Variants in BTN3A2 observed in about 807,000 individuals in gnomAD.
BTN3A2 encodes the protein butyrophilin protein.
Under a neutral mutation model 37.6 loss-of-function variants are expected in BTN3A2, and 25 were observed. That is an observed-to-expected ratio of 0.66 (90% CI 0.48 to 0.93). BTN3A2 has a LOEUF of 0.93. BTN3A2 is among the 40% of genes least tolerant of loss of function. The pLI, the probability that BTN3A2 is intolerant of heterozygous loss-of-function variation, is 0.00. For missense variants in BTN3A2, 266 were observed against 410.9 expected, an observed-to-expected ratio of 0.65 and a Z score of 3.05; for synonymous variants, 122 against 159.4, an observed-to-expected ratio of 0.77 and a Z score of 1.77.
chr6:26,371,915 G>A (rs1478067653), intron 5 of BTN3A2, among the ~76,000 whole-genome samples: 1 of 152,126 alleles, frequency 6.6e-6, no homozygotes. Context: ...CTGACCTCAA[G>A]TGATCCACCC....
intron 9 of BTN3A2, 161 bp downstream of exon 9, chr6:26,374,534 C>A: frequency 2.3e-6 from 2 of 873,540 alleles, no homozygotes; most frequent in Non-Finnish European, 3.6e-6. Flanking sequence ...ACTCCTGATC[C>A]TGCACACCCC....
chr6:26,377,197 C>T lies in BTN3A2; in HGVS notation c.*1435C>T. 1 of 1,163,186 alleles carries T rather than the reference C, an allele frequency of 8.6e-7. No individual in the cohort carries two copies. Among genetic ancestry groups the T allele is most frequent in the Non-Finnish European group, 1.3e-6 (1 of 771,856 alleles). 72.1% of individuals were successfully genotyped at this position (1,163,186 alleles called of 1,614,324 possible). On this transcript the variant is annotated 3_prime_UTR_variant, in exon 11 of 11. Coordinates refer to ENST00000377708, the MANE Select transcript of BTN3A2 (RefSeq NM_007047.5). ...GCTAATGAAAGTGGGGAGCCTCAGG[C>T]TGAAGTAACATCTCTGCTTCTCCCT...
In BTN3A2 at chr6:26,377,003, C is replaced by G; in HGVS notation, c.*1241C>G. ...ACAATGCCACGGATGGATCTCATAT[C>G]TACACATTTCTGCACGCCTCTTCCT... On this transcript the variant is annotated 3_prime_UTR_variant, in exon 11 of 11. Transcript: ENST00000377708. 6.9e-7 allele frequency: 1 copy of G among 1,455,436 alleles called. No individual in the cohort carries two copies. The highest frequency in any genetic ancestry group is 9.6e-7 in the Non-Finnish European group (1 of 1,037,998). 90.2% of individuals were successfully genotyped at this position (1,455,436 alleles called of 1,614,324 possible).
rs1760767936 is a variant in BTN3A2 at position 26,377,252 on chromosome 6, C to T, written c.*1490C>T. 2.4e-6 allele frequency: 2 copies of T among 831,426 alleles called. No individual in the cohort carries two copies. The highest frequency in any genetic ancestry group is 3.8e-5 in the Admixed American group (2 of 53,098). The allele number at this position is 831,426 out of a possible 1,614,324, so 51.5% of individuals were successfully genotyped here. ...AGCCTGGAGCTAAGGGTCTCACCCT[C>T]CACAACAGCCAGTCAGAACCATAAA... is the stretch of plus-strand genomic sequence containing the variant. On this transcript the variant is annotated 3_prime_UTR_variant, in exon 11 of 11. Coordinates refer to ENST00000377708, the MANE Select transcript of BTN3A2 (RefSeq NM_007047.5).
Position 26,374,679 on chromosome 6 carries a change from A to G in BTN3A2, c.*7-92A>G. 3.0e-6 allele frequency: 4 copies of G among 1,348,254 alleles called. No individual in the cohort carries two copies. In the Admixed American group the frequency reaches 7.8e-5, roughly 26 times the overall value. The allele number at this position is 1,348,254 out of a possible 1,614,324, so 83.5% of individuals were successfully genotyped here. A position where few individuals can be genotyped will look rare whatever the true frequency, so the allele number is the denominator to read the frequency against. ...CTGGACCCTGGAAGAGACTCTAAAG[A>G]AAAGGAGAGAAAACATGTAGTGAGA... On this transcript the variant is annotated intron_variant, in intron 9 of 10. Transcript: ENST00000377708.
At chr6:26,366,351 G>A (rs1022888864) in intron 1 of BTN3A2, among the ~76,000 whole-genome samples, 1 of 151,820 alleles carries the variant, frequency 6.6e-6, no homozygotes, top group African/African-American at 2.4e-5. Context: ...GGAATTTTGG[G>A]GGCAAATAAT....
At position 26,378,182 on chromosome 6, in the gene BTN3A2, C is replaced by T. The variant is rs140353954; in HGVS notation, c.*2420C>T. The T allele has an allele frequency of 3.5e-4, 54 of 152,206 alleles. No homozygotes were observed. In the East Asian group the frequency reaches 0.01, roughly 29 times the overall value. 9.4% of individuals were successfully genotyped at this position (152,206 alleles called of 1,614,324 possible). On this transcript the variant is annotated 3_prime_UTR_variant, in exon 11 of 11. Coordinates refer to ENST00000377708, the MANE Select transcript of BTN3A2 (RefSeq NM_007047.5). ...ATTGGTGGATGTTAAACCCATATTC[C>T]TTTCAACTGCTGCCTGCTAGGGAAA...
At position 26,376,461 on chromosome 6, in the gene BTN3A2, G is replaced by T; in HGVS notation, c.*699G>T. 1.1e-6 allele frequency: 1 copy of T among 948,734 alleles called. No homozygotes were observed. The highest frequency in any genetic ancestry group is 1.5e-6 in the Non-Finnish European group (1 of 685,140). 58.8% of individuals were successfully genotyped at this position (948,734 alleles called of 1,614,324 possible). A position where few individuals can be genotyped will look rare whatever the true frequency, so the allele number is the denominator to read the frequency against. On this transcript the variant is annotated 3_prime_UTR_variant, in exon 11 of 11. Coordinates refer to ENST00000377708, the MANE Select transcript of BTN3A2 (RefSeq NM_007047.5). ...AGAATCACATTCAGGGCAGGCTAGGGACACGGGGTTCTGGAAGGACCTCCT... is the reference window on the plus strand; with the variant it reads ...AGAATCACATTCAGGGCAGGCTAGGTACACGGGGTTCTGGAAGGACCTCCT...
In BTN3A2 at chr6:26,373,029, A is replaced by G; in HGVS notation, c.848A>G (p.Glu283Gly). 6.2e-7 allele frequency: 1 copy of G among 1,614,200 alleles called. No homozygotes were observed. The highest frequency in any genetic ancestry group is 1.1e-5 in the South Asian group (1 of 91,090). ...QQKEITALSS[E>G]IESEQEMKEM... ...AAGGAAATAACTGCTCTGTCCAGTG[A>G]GATAGAAAGTGAGCAAGAGATGAAA... Residue 283 changes from glutamate to glycine, a missense_variant, in exon 6 of 11, where the codon GAG becomes GGG. By Grantham distance (98) the Glu-to-Gly change is moderately conservative (BLOSUM62 -2). Transcript: ENST00000377708.
intron 9 of BTN3A2, 193 bp downstream of exon 9, chr6:26,374,566 T>G: frequency 1.2e-6 from 1 of 836,620 alleles, no homozygotes; most frequent in East Asian, 2.7e-5. Context: ...TGGCCATGCA[T>G]CCTGCACCCC....
At chr6:26,367,654 G>C (rs1759648012) in intron 1 of BTN3A2, among the ~76,000 whole-genome samples, 2 of 152,210 alleles carry the variant, frequency 1.3e-5, no homozygotes, top group Admixed American at 1.3e-4. Flanking sequence ...ATATCTTTGT[G>C]ATTAAACGTG....
chr6:26,374,913 T>C (rs1760556380), intron 10 of BTN3A2, 115 bp downstream of exon 10: 2 of 1,134,782 alleles, frequency 1.8e-6, no homozygotes, highest in Admixed American at 2.3e-5. Context: ...TTGACTTCCT[T>C]CGTGGGTAGG....
In BTN3A2 at chr6:26,376,058, A is replaced by T. The variant is rs1760683903; in HGVS notation, c.*296A>T. On this transcript the variant is annotated 3_prime_UTR_variant, in exon 11 of 11. Coordinates refer to ENST00000377708, the MANE Select transcript of BTN3A2 (RefSeq NM_007047.5). ...CGTCTCTACTAAAAATACAAAAAAT[A>T]AAAAATTAGCCGGGCATGGTGACGG... 4.6e-6 allele frequency: 2 copies of T among 434,938 alleles called. No individual in the cohort carries two copies. The highest frequency in any genetic ancestry group is 8.0e-6 in the Non-Finnish European group (2 of 249,434). The allele number at this position is 434,938 out of a possible 1,614,324, so 26.9% of individuals were successfully genotyped here.
chr6:26,377,356 C>A lies in BTN3A2; in HGVS notation c.*1594C>A. 4 of 601,050 alleles carry A rather than the reference C, an allele frequency of 6.7e-6. No individual in the cohort carries two copies. Among genetic ancestry groups the A allele is most frequent in the South Asian group, 1.8e-5 (1 of 55,824 alleles). 37.2% of individuals were successfully genotyped at this position (601,050 alleles called of 1,614,324 possible). ...GACAGTTGTTTGAGTTTGGTGCCAC[C>A]TTATTGGCCCCTTTATACAGATAAG... On this transcript the variant is annotated 3_prime_UTR_variant, in exon 11 of 11. Coordinates refer to ENST00000377708, the MANE Select transcript of BTN3A2 (RefSeq NM_007047.5).
chr6:26,369,024 C>T (rs13191660), intron 4 of BTN3A2, 112 bp downstream of exon 4: 65,226 of 707,098 alleles, frequency 0.092, 239 homozygotes, highest in Non-Finnish European at 0.11. Flanking sequence ...TAGCAATTGC[C>T]TGCACTGCCT....
rs1554126687 is a variant in BTN3A2 at position 26,376,232 on chromosome 6, A to AAAAG, written c.*473_*474insGAAA. On this transcript the variant is annotated 3_prime_UTR_variant, in exon 11 of 11. Transcript: ENST00000377708. ...TGTCTCAAGAAAAAAAAAAAAAAAA[A>AAAAG]AAAAGAAAAGAAAATTAACCTCTGA... The AAAAG allele has an allele frequency of 0.024, 3,319 of 136,080 alleles. 53 individuals are homozygous for AAAAG. The highest frequency in any genetic ancestry group is 0.028 in the Non-Finnish European group (1,929 of 68,136). The allele number at this position is 136,080 out of a possible 1,614,324, so 8.4% of individuals were successfully genotyped here. A position where few individuals can be genotyped will look rare whatever the true frequency, so the allele number is the denominator to read the frequency against.
chr6:26,375,585 CAG>C, intron 10 of BTN3A2: 1 of 1,489,002 alleles, frequency 6.7e-7, no homozygotes, highest in Non-Finnish European at 9.0e-7. Context: ...CCATAGAGGA[CAG>C]ATTCCTGGGG....
At position 26,375,991 on chromosome 6, in the gene BTN3A2, G is replaced by A. The variant is rs1488004765; in HGVS notation, c.*229G>A. ...GAAGGCTGAGGAGGGCGGATCACAA[G>A]GTCAGGAGATCAAGACCATCCTGGC... is the stretch of plus-strand genomic sequence containing the variant. On this transcript the variant is annotated 3_prime_UTR_variant, in exon 11 of 11. Transcript: ENST00000377708. 3.6e-6 allele frequency: 3 copies of A among 828,010 alleles called. No individual in the cohort carries two copies. Among genetic ancestry groups the A allele is most frequent in the Middle Eastern group, 5.8e-4 (2 of 3,456 alleles). 51.3% of individuals were successfully genotyped at this position (828,010 alleles called of 1,614,324 possible). A position where few individuals can be genotyped will look rare whatever the true frequency, so the allele number is the denominator to read the frequency against.
Position 26,376,846 on chromosome 6 carries a change from A to G in BTN3A2, c.*1084A>G. The G allele has an allele frequency of 1.9e-6, 3 of 1,614,054 alleles. No homozygotes were observed. Among genetic ancestry groups the G allele is most frequent in the Non-Finnish European group, 2.5e-6 (3 of 1,179,958 alleles). On this transcript the variant is annotated 3_prime_UTR_variant, in exon 11 of 11. Transcript: ENST00000377708. ...GTCAAAATGACACCGGAGAACGGAT[A>G]CTGGACTATGGGCCTGACTGATGGG...
Sources: gnomAD v4.1 joint callset for allele counts (sites outside exome capture counted in the v4.1 genomes callset) on GRCh38, gnomAD v4.1.1 for gene constraint, MANE v1.5 for transcripts, NCBI Gene and HGNC (gene_info 2026-07-23, HGNC 2026-07-21) for gene names.